Variants in LIX1L observed in about 807,000 individuals in gnomAD.
The protein encoded by LIX1L is LIX1-like protein.
In LIX1L, 20 loss-of-function variants were observed where a neutral mutation model predicts 34.0. The ratio of observed to expected loss-of-function variants is 0.59; its 90% confidence interval spans 0.41 to 0.85. LIX1L has a LOEUF of 0.85. LIX1L is among the 40% of genes least tolerant of loss of function. The pLI is 0.00. For synonymous variants in LIX1L, 170 were observed against 187.4 expected (o/e 0.91, Z 0.76); for missense variants, 397 against 447.0 (o/e 0.89, Z 1.01).
At chr1:145,938,102 A>G (rs1376323671) in intron 3 of LIX1L, among the ~76,000 whole-genome samples, 3 of 151,928 alleles carry the variant, frequency 2.0e-5, no homozygotes, top group Non-Finnish European at 2.9e-5. Flanking sequence ...AGCCTGGACA[A>G]CAGAGTGAGA....
intron 3 of LIX1L, among the ~76,000 whole-genome samples, chr1:145,938,286 G>A (rs1325880574): frequency 1.3e-5 from 2 of 152,066 alleles, no homozygotes; most frequent in Admixed American, 6.6e-5. Flanking sequence ...TGGAAATTCT[G>A]GGTAGCAGTG....
chr1:145,955,424 A>G (rs1432141378), intron 1 of LIX1L, among the ~76,000 whole-genome samples: 1 of 152,244 alleles, frequency 6.6e-6, no homozygotes, highest in East Asian at 1.9e-4. Flanking sequence ...TTCAGGAAGA[A>G]GATGAAGGAT....
At chr1:145,936,595 G>GTTCA in intron 5 of LIX1L, 43 bp from the exon 6 acceptor site, 1 of 1,609,564 alleles carries the variant, frequency 6.2e-7, no homozygotes, top group Non-Finnish European at 8.5e-7. Flanking sequence ...GAAGGTAAAG[G>GTTCA]TTCATATCAT....
chr1:145,956,790 C>A (rs1213522490), intron 1 of LIX1L, among the ~76,000 whole-genome samples: 1 of 152,128 alleles, frequency 6.6e-6, no homozygotes, highest in African/African-American at 2.4e-5. Flanking sequence ...GGAAACTACC[C>A]TAGTTAAACG....
intron 2 of LIX1L, among the ~76,000 whole-genome samples, chr1:145,943,992 T>C (rs1345489772): frequency 6.6e-6 from 1 of 151,902 alleles, no homozygotes; most frequent in African/African-American, 2.4e-5. Flanking sequence ...CAGTGAGTTA[T>C]GATCACACCA....
rs184443571 is a variant in LIX1L at position 145,947,906 on chromosome 1, C to T, written c.293-124G>A. The T allele has an allele frequency of 1.1e-4, 88 of 769,668 alleles. 1 individual carries two copies. In the African/African-American group the frequency reaches 1.1e-3, roughly 10 times the overall value. The allele number at this position is 769,668 out of a possible 1,614,324, so 47.7% of individuals were successfully genotyped here. A position where few individuals can be genotyped will look rare whatever the true frequency, so the allele number is the denominator to read the frequency against. On this transcript the variant is annotated intron_variant, in intron 1 of 5. Transcript: ENST00000604000. Reference sequence around the variant, plus strand: ...GTCTGCCCCTTAGCTCCCTACCTATCGCCATTGAAAAGCATTTAAGTTAAT... The same window carrying T: ...GTCTGCCCCTTAGCTCCCTACCTATTGCCATTGAAAAGCATTTAAGTTAAT...
At chr1:145,937,159 TTTATTTATTTATTTACTTAC>T (rs1173370552) in intron 4 of LIX1L, among the ~76,000 whole-genome samples, 174 bp from the exon 5 acceptor site, 1 of 149,838 alleles carries the variant, frequency 6.7e-6, no homozygotes, top group African/African-American at 2.5e-5. Flanking sequence ...TATTTATTTA[TTTATTTATTTATTTACTTAC>T]TTACTTACTT....
rs782489384 is a variant in LIX1L, at chr1:145,953,945, A to G, written c.292+3691T>C. Among the ~76,000 whole-genome samples the G allele has an allele frequency of 4.5e-4, 69 of 152,170 alleles. 2 individuals are homozygous for G. The highest frequency in any genetic ancestry group is 1.2e-4 in the African/African-American group (5 of 41,508). On this transcript the variant is annotated intron_variant, in intron 1 of 5. Transcript: ENST00000604000. ...GGTGACATGCACCTGTAGTCTAGCT[A>G]CTTGGGAGGCTGAGGCGGGTGGGAG...
chr1:145,937,748 T>C, intron 3 of LIX1L, 49 bp from the exon 4 acceptor site: 3 of 1,138,094 alleles, frequency 2.6e-6, no homozygotes, highest in Non-Finnish European at 4.0e-6. Context: ...ACCAGGATTA[T>C]CATCTCAAGC....
In LIX1L at chr1:145,936,067, G is replaced by A. The variant is rs1474670061; in HGVS notation, c.*243C>T. On this transcript the variant is annotated 3_prime_UTR_variant, in exon 6 of 6. Coordinates refer to ENST00000604000, the MANE Select transcript of LIX1L (RefSeq NM_153713.3). ...TGGAAGTTTAAGAGCTAACAAAGCT[G>A]CAAAGACAAGCTGCTCTTTGTTGTA... is the stretch of plus-strand genomic sequence containing the variant. 2.5e-5 allele frequency: 12 copies of A among 481,642 alleles called. No homozygotes were observed. Among genetic ancestry groups the A allele is most frequent in the African/African-American group, 2.0e-4 (10 of 50,850 alleles). 29.8% of individuals were successfully genotyped at this position (481,642 alleles called of 1,614,324 possible). A position where few individuals can be genotyped will look rare whatever the true frequency, so the allele number is the denominator to read the frequency against.
chr1:145,938,493 T>G (rs1413633824), intron 3 of LIX1L, among the ~76,000 whole-genome samples: 1 of 152,200 alleles, frequency 6.6e-6, no homozygotes, highest in Non-Finnish European at 1.5e-5. Flanking sequence ...TTCTTCAGTT[T>G]CCTCTTCTGT....
rs1176351290 is a variant in LIX1L at position 145,940,389 on chromosome 1, C to T, written c.597+2324G>A. 1.0e-3 allele frequency among the ~76,000 whole-genome samples: 151 copies of T among 150,236 alleles called. 2 individuals carry two copies. The highest frequency in any genetic ancestry group is 2.1e-4 in the Non-Finnish European group (14 of 67,622). ...TTGAGACAGGGTGTCACTTTGTTGC[C>T]CAGGATGGCGTGCAATGGAATGATC... On this transcript the variant is annotated intron_variant, in intron 3 of 5. Coordinates refer to ENST00000604000, the MANE Select transcript of LIX1L (RefSeq NM_153713.3).
chr1:145,946,200 C>CTTT (rs5777570), intron 2 of LIX1L, among the ~76,000 whole-genome samples: 1 of 138,060 alleles, frequency 7.2e-6, no homozygotes. Context: ...GACTGAAGTT[C>CTTT]TTTTTTTTTT....
intron 2 of LIX1L, 191 bp downstream of exon 2, chr1:145,947,428 G>C (rs1649151703): frequency 1.7e-6 from 1 of 598,298 alleles, no homozygotes. Context: ...TTGAGTTTTT[G>C]AAAGGAAAGC....
At position 145,933,979 on chromosome 1, in the gene LIX1L, A is replaced by G. The variant is rs1648523738; in HGVS notation, c.*2331T>C. The G allele has an allele frequency of 6.6e-6, 1 of 152,178 alleles. No homozygotes were observed. Among genetic ancestry groups the G allele is most frequent in the Admixed American group, 6.5e-5 (1 of 15,272 alleles). The allele number at this position is 152,178 out of a possible 1,614,324, so 9.4% of individuals were successfully genotyped here. A position where few individuals can be genotyped will look rare whatever the true frequency, so the allele number is the denominator to read the frequency against. ...CCAATTATAGCCTGTTTCATAATCT[A>G]TTTTTATTGTTGTTGTTACACTTGA... On this transcript the variant is annotated 3_prime_UTR_variant, in exon 6 of 6. Coordinates refer to ENST00000604000, the MANE Select transcript of LIX1L (RefSeq NM_153713.3).
rs144289940 is a variant in LIX1L at position 145,934,865 on chromosome 1, C to A, written c.*1445G>T. The A allele has an allele frequency of 0.018, 2,704 of 150,590 alleles. 65 individuals carry two copies. Among genetic ancestry groups the A allele is most frequent in the African/African-American group, 0.055 (2,255 of 40,914 alleles). The allele number at this position is 150,590 out of a possible 1,614,324, so 9.3% of individuals were successfully genotyped here. ...CTCAAAAACAAAAACAAAAACAAAA[C>A]CAAAAAAAAACCACAAATAGGCCAG... On this transcript the variant is annotated 3_prime_UTR_variant, in exon 6 of 6. Transcript: ENST00000604000.
chr1:145,949,819 T>TC (rs1491445470), intron 1 of LIX1L, among the ~76,000 whole-genome samples: 3 of 137,968 alleles, frequency 2.2e-5, no homozygotes, highest in East Asian at 4.1e-4. Context: ...ACCACTCTCC[T>TC]TTTTTTTTTT....
At chr1:145,938,982 CTT>C (rs782308276) in intron 3 of LIX1L, among the ~76,000 whole-genome samples, 16 of 136,744 alleles carry the variant, frequency 1.2e-4, no homozygotes, top group Non-Finnish European at 8.1e-5. Flanking sequence ...AAATACTGTA[CTT>C]TTTTTTTTTT....
chr1:145,937,632 T>C lies in LIX1L; in HGVS notation c.665A>G (p.Asn222Ser). The change falls in exon 4 of 6, where the codon AAC (asparagine) becomes AGC (serine). Residue 222 changes from asparagine (N) to serine (S), a missense_variant. By Grantham distance (46) the Asn-to-Ser change is conservative (BLOSUM62 1). Coordinates refer to ENST00000604000, the MANE Select transcript of LIX1L (RefSeq NM_153713.3). ...GAACTCCAACATTGATTTGCCCTTG[T>C]TGGATTCCAGCATGAATCGGAAGGC... ...IGAFRFMLES[N>S]KGKSMLEFQE... The C allele has an allele frequency of 1.2e-6, 2 of 1,613,734 alleles. No individual in the cohort carries two copies. Among genetic ancestry groups the C allele is most frequent in the Non-Finnish European group, 1.7e-6 (2 of 1,179,722 alleles).
Sources: allele counts gnomAD v4.1 joint callset (sites outside exome capture counted in the v4.1 genomes callset), GRCh38; gene constraint gnomAD v4.1.1; transcripts MANE v1.5; gene names NCBI Gene and HGNC (gene_info 2026-07-23, HGNC 2026-07-21).